Variants in LMAN1 observed in about 807,000 individuals in gnomAD.
LMAN1 encodes protein ERGIC-53.
In LMAN1, 32 loss-of-function variants were observed where a neutral mutation model predicts 67.8. The observed-to-expected ratio is 0.47, with a 90% CI of 0.36 to 0.63. LMAN1 has a LOEUF of 0.63. Ranked by LOEUF, LMAN1 falls within the 30% of genes least tolerant of loss-of-function variation. LMAN1 has a pLI of 0.00. For synonymous variants in LMAN1, 235 were observed against 219.3 expected (o/e 1.07, Z -0.63); for missense variants, 632 against 628.2 (o/e 1.01, Z -0.06).
In LMAN1 at chr18:59,345,944, G is replaced by C. The variant is rs1568115561; in HGVS notation, c.930C>G (p.Gly310=). Residue 310 remains glycine, a synonymous_variant, in exon 8 of 13, where the codon GGC becomes GGG. Coordinates refer to ENST00000251047, the MANE Select transcript of LMAN1 (RefSeq NM_005570.4). ...CAGGCTGCCCTTGGAGGTCGGGGTG[G>C]CCCTTCTGGAATTCCTCTTTTTTTT... The part of the protein sequence containing the change: ...LDKKKEEFQK[G]HPDLQGQPAE... 6.2e-7 allele frequency: 1 copy of C among 1,613,964 alleles called. No individual in the cohort carries two copies. Among genetic ancestry groups the C allele is most frequent in the Non-Finnish European group, 8.5e-7 (1 of 1,180,018 alleles).
intron 10 of LMAN1, among the ~76,000 whole-genome samples, chr18:59,334,760 CTT>C (rs1908104363): frequency 1.3e-5 from 2 of 152,064 alleles, no homozygotes; most frequent in African/African-American, 4.8e-5. Flanking sequence ...AAAAAAATTT[CTT>C]TGATTCCTTA....
chr18:59,345,411 G>A (rs1470838410), intron 8 of LMAN1, among the ~76,000 whole-genome samples: 2 of 152,100 alleles, frequency 1.3e-5, no homozygotes, highest in Non-Finnish European at 1.5e-5. Context: ...GGATTCTATC[G>A]AGTAGTATGG....
chr18:59,341,034 C>T (rs894174656), intron 8 of LMAN1, among the ~76,000 whole-genome samples: 1 of 151,730 alleles, frequency 6.6e-6, no homozygotes, highest in Non-Finnish European at 1.5e-5. Flanking sequence ...AAATAATAGT[C>T]CAAGCAAATG....
At chr18:59,345,167 G>A (rs538889931) in intron 8 of LMAN1, among the ~76,000 whole-genome samples, 43 of 152,154 alleles carry the variant, frequency 2.8e-4, no homozygotes, top group Non-Finnish European at 4.9e-4. Context: ...GACTCATACT[G>A]TTGATCATTA....
intron 1 of LMAN1, among the ~76,000 whole-genome samples, chr18:59,358,114 A>G (rs1908703358): frequency 6.6e-6 from 1 of 152,192 alleles, no homozygotes; most frequent in Non-Finnish European, 1.5e-5. Flanking sequence ...AAGTGCTACG[A>G]TTGACTCCTT....
At chr18:59,334,493 G>T (rs1283292360) in intron 10 of LMAN1, among the ~76,000 whole-genome samples, 5 of 152,224 alleles carry the variant, frequency 3.3e-5, no homozygotes, top group Admixed American at 3.3e-4. Context: ...ATAGAATTGT[G>T]GTTGAAGGAG....
intron 2 of LMAN1, 23 bp downstream of exon 2, chr18:59,355,481 C>G: frequency 6.2e-7 from 1 of 1,614,082 alleles, no homozygotes; most frequent in Non-Finnish European, 8.5e-7. Context: ...TGCACATTTT[C>G]TAAGTTAAAG....
rs750121799 is a variant in LMAN1 at position 59,353,256 on chromosome 18, G to T, written c.585C>A (p.Arg195=). 3.7e-6 allele frequency: 6 copies of T among 1,614,146 alleles called. No individual in the cohort carries two copies. In the South Asian group the frequency reaches 6.6e-5, roughly 18 times the overall value. The change falls in exon 5 of 13, where the codon CGC becomes CGA. Residue 195 remains arginine, a synonymous_variant. Coordinates refer to ENST00000251047, the MANE Select transcript of LMAN1 (RefSeq NM_005570.4). ...TTGCTCGGACAGGATAGGGTTTGTT[G>T]CGGAAGTCCCTCTGGCAACTTGCCA... ...QALASCQRDF[R]NKPYPVRAKI...
intron 5 of LMAN1, chr18:59,351,334 C>G (rs1163840231): frequency 3.3e-5 from 5 of 152,058 alleles, no homozygotes; most frequent in African/African-American, 1.2e-4. Context: ...TTTAGGAAAT[C>G]TGATAGAAAA....
At chr18:59,341,067 G>C (rs1359061841) in intron 8 of LMAN1, among the ~76,000 whole-genome samples, 1 of 152,010 alleles carries the variant, frequency 6.6e-6, no homozygotes, top group Non-Finnish European at 1.5e-5. Flanking sequence ...GAGAGGAGTA[G>C]CTGTACTTAT....
chr18:59,339,688 C>T (rs758128116), intron 8 of LMAN1, among the ~76,000 whole-genome samples: 2 of 152,158 alleles, frequency 1.3e-5, no homozygotes, highest in African/African-American at 2.4e-5. Flanking sequence ...TGGCTGCAGT[C>T]GCTGCAATGT....
At chr18:59,351,644 A>G (rs1908545247) in intron 5 of LMAN1, 1 of 152,252 alleles carries the variant, frequency 6.6e-6, no homozygotes, top group Non-Finnish European at 1.5e-5. Context: ...TAATATGCAG[A>G]GTAGTGACCA....
chr18:59,346,112 T>C, intron 7 of LMAN1, 61 bp from the exon 8 acceptor site: 3 of 1,357,594 alleles, frequency 2.2e-6, no homozygotes, highest in Admixed American at 2.1e-5. Flanking sequence ...AAGATATCTC[T>C]ATACATGTTA....
chr18:59,350,108 C>G (rs911687620), intron 5 of LMAN1, among the ~76,000 whole-genome samples: 1 of 152,034 alleles, frequency 6.6e-6, no homozygotes, highest in Non-Finnish European at 1.5e-5. Context: ...GTATTCTGTC[C>G]AAATTTTCAG....
At chr18:59,357,467 C>T (rs915161771) in intron 1 of LMAN1, among the ~76,000 whole-genome samples, 9 of 152,088 alleles carry the variant, frequency 5.9e-5, no homozygotes, top group African/African-American at 2.2e-4. Flanking sequence ...TTCATCATCC[C>T]ACAAATAGAA....
At chr18:59,345,632 A>G (rs960506376) in intron 8 of LMAN1, among the ~76,000 whole-genome samples, 1 of 152,238 alleles carries the variant, frequency 6.6e-6, no homozygotes, top group East Asian at 1.9e-4. Context: ...AATGAATATT[A>G]ACAAAATCCC....
intron 8 of LMAN1, among the ~76,000 whole-genome samples, chr18:59,343,014 T>C (rs1908321249): frequency 6.8e-6 from 1 of 147,758 alleles, no homozygotes; most frequent in African/African-American, 2.5e-5. Flanking sequence ...GATAATGATC[T>C]AGCAGACCAA....
intron 1 of LMAN1, among the ~76,000 whole-genome samples, chr18:59,356,823 G>A (rs1187597134): frequency 1.3e-5 from 2 of 152,062 alleles, no homozygotes; most frequent in Admixed American, 1.3e-4. Flanking sequence ...GATAACACCC[G>A]CCTTGTCTAC....
chr18:59,344,501 G>A (rs988144162), intron 8 of LMAN1, among the ~76,000 whole-genome samples: 2 of 152,118 alleles, frequency 1.3e-5, no homozygotes, highest in Non-Finnish European at 2.9e-5. Context: ...ATGAAATTAT[G>A]TCTTTTGCAG....
Sources: gnomAD v4.1 joint callset for allele counts (sites outside exome capture counted in the v4.1 genomes callset) on GRCh38, gnomAD v4.1.1 for gene constraint, MANE v1.5 for transcripts, NCBI Gene and HGNC (gene_info 2026-07-23, HGNC 2026-07-21) for gene names.